The following PRKCA variants were observed in gnomAD, a reference collection of about 807,000 sequenced individuals.
The protein encoded by PRKCA is protein kinase C alpha, also known as protein kinase C alpha type.
In PRKCA, 27 loss-of-function variants were observed where a neutral mutation model predicts 87.0. That is an observed-to-expected ratio of 0.31 (90% confidence interval 0.23 to 0.43). PRKCA has a LOEUF of 0.43. Among genes scored for constraint, PRKCA ranks in the 20% least tolerant of loss-of-function variants. The pLI, the probability that PRKCA is intolerant of heterozygous loss-of-function variation, is 1.00. For missense variants in PRKCA, 518 were observed against 852.3 expected (o/e 0.61, Z 4.88); for synonymous variants, 329 against 311.1 (o/e 1.06, Z -0.61).
chr17:66,658,035 G>C (rs749320583), intron 5 of PRKCA, among the ~76,000 whole-genome samples: 1 of 152,154 alleles, frequency 6.6e-6, no homozygotes, highest in Non-Finnish European at 1.5e-5. Context: ...AGAGGAAAGA[G>C]GTTTAATTGA....
At chr17:66,763,045 C>T (rs1974721135) in intron 13 of PRKCA, among the ~76,000 whole-genome samples, 1 of 152,236 alleles carries the variant, frequency 6.6e-6, no homozygotes, top group African/African-American at 2.4e-5. Context: ...ATCGCCTTGG[C>T]CTCCCAAAGT....
rs1190258378 is a variant in PRKCA at position 66,810,562 on chromosome 17, G to A, written c.*6525G>A. 1 of 152,202 alleles carries A rather than the reference G, an allele frequency of 6.6e-6. No individual in the cohort carries two copies. Among genetic ancestry groups the A allele is most frequent in the Admixed American group, 6.5e-5 (1 of 15,282 alleles). The allele number at this position is 152,202 out of a possible 1,614,324, so 9.4% of individuals were successfully genotyped here. On this transcript the variant is annotated 3_prime_UTR_variant, in exon 17 of 17. Transcript: ENST00000413366. ...TATAAGCACCTACTGACAAAATGTA[G>A]AGGCCATTCAACCGTCAAACACCAT...
At chr17:66,703,245 AT>A (rs1189255344) in intron 8 of PRKCA, 1 of 152,132 alleles carries the variant, frequency 6.6e-6, no homozygotes, top group Non-Finnish European at 1.5e-5. Context: ...GTACAAAAAT[AT>A]TTTTATCTCC....
intron 2 of PRKCA, among the ~76,000 whole-genome samples, chr17:66,383,305 A>G (rs773036940): frequency 1.3e-5 from 2 of 152,174 alleles, no homozygotes; most frequent in Non-Finnish European, 2.9e-5. Flanking sequence ...TTCCAAAGGC[A>G]TGGTACTAAT....
chr17:66,608,011 G>A (rs947939050), intron 3 of PRKCA, among the ~76,000 whole-genome samples: 1 of 152,164 alleles, frequency 6.6e-6, no homozygotes, highest in Non-Finnish European at 1.5e-5. Flanking sequence ...TGGGTGATAC[G>A]CATTAGGGTT....
intron 3 of PRKCA, among the ~76,000 whole-genome samples, chr17:66,574,910 T>C (rs1405625725): frequency 6.6e-6 from 1 of 152,234 alleles, no homozygotes; most frequent in African/African-American, 2.4e-5. Flanking sequence ...GTAAAAGTTA[T>C]GTGAATGGGG....
intron 2 of PRKCA, among the ~76,000 whole-genome samples, chr17:66,344,639 A>T (rs896899716): frequency 2.6e-5 from 4 of 152,260 alleles, no homozygotes. Context: ...GAGGCTTAGA[A>T]ATGTAAGTAA....
chr17:66,630,361 C>A (rs994211782), intron 3 of PRKCA, among the ~76,000 whole-genome samples: 1 of 152,114 alleles, frequency 6.6e-6, no homozygotes, highest in Non-Finnish European at 1.5e-5. Flanking sequence ...TATTATTGCC[C>A]CCCACTAATT....
At chr17:66,628,820 G>A (rs1210149746) in intron 3 of PRKCA, among the ~76,000 whole-genome samples, 1 of 152,144 alleles carries the variant, frequency 6.6e-6, no homozygotes, top group African/African-American at 2.4e-5. Flanking sequence ...CTTAGGTCAG[G>A]AGTTCGAGAC....
chr17:66,732,181 C>T (rs561080171), intron 8 of PRKCA, among the ~76,000 whole-genome samples: 7 of 151,270 alleles, frequency 4.6e-5, no homozygotes, highest in African/African-American at 9.7e-5. Context: ...TTGAAAATAG[C>T]GATGAATCAT....
intron 3 of PRKCA, among the ~76,000 whole-genome samples, chr17:66,624,553 C>T (rs1168339514): frequency 6.6e-6 from 1 of 152,150 alleles, no homozygotes; most frequent in Non-Finnish European, 1.5e-5. Flanking sequence ...GTAATCCCAG[C>T]ACTTTGGGAG....
rs144042637 is a variant in PRKCA, at chr17:66,807,640, T to A, written c.*3603T>A. On this transcript the variant is annotated 3_prime_UTR_variant, in exon 17 of 17. Transcript: ENST00000413366. This position sits in a 1 kb window ranked among gnomAD's most constrained non-coding sequence, Gnocchi z 4.3. ...TATTAGGCTTTCTTACTCAGAATTTTGATAGAAAACCATGGGGCCAAGAGC... is the reference window on the plus strand; with the variant it reads ...TATTAGGCTTTCTTACTCAGAATTTAGATAGAAAACCATGGGGCCAAGAGC... The A allele has an allele frequency of 0.011, 1,702 of 152,308 alleles. 35 individuals are homozygous for A. Among genetic ancestry groups the A allele is most frequent in the African/African-American group, 0.039 (1,621 of 41,552 alleles). The allele number at this position is 152,308 out of a possible 1,614,324, so 9.4% of individuals were successfully genotyped here.
At chr17:66,328,470 A>G (rs1386411752) in intron 2 of PRKCA, among the ~76,000 whole-genome samples, 1 of 152,150 alleles carries the variant, frequency 6.6e-6, no homozygotes, top group Non-Finnish European at 1.5e-5. Context: ...GCAACTGCAA[A>G]GGCCCTAAAA....
At chr17:66,325,663 A>G (rs957888837) in intron 2 of PRKCA, among the ~76,000 whole-genome samples, 3 of 152,032 alleles carry the variant, frequency 2.0e-5, no homozygotes, top group Non-Finnish European at 4.4e-5. Flanking sequence ...GTTCCTAAAA[A>G]CCCTTTGAGA....
rs188878798 is a variant in PRKCA, at chr17:66,369,089, A to G, written c.205+62962A>G. 3.0e-4 allele frequency among the ~76,000 whole-genome samples: 46 copies of G among 152,334 alleles called. No homozygotes were observed. In the East Asian group the frequency reaches 4.6e-3, roughly 15 times the overall value. On this transcript the variant is annotated intron_variant, in intron 2 of 16. Transcript: ENST00000413366. ...AAGGGTGGCTTGTAGGCATTAGGCCAGAGCTGTGTGTTAGCCATAATTCAG... is the reference window on the plus strand; with the variant it reads ...AAGGGTGGCTTGTAGGCATTAGGCCGGAGCTGTGTGTTAGCCATAATTCAG...
At chr17:66,573,828 C>T (rs1290983905) in intron 3 of PRKCA, among the ~76,000 whole-genome samples, 3 of 152,022 alleles carry the variant, frequency 2.0e-5, no homozygotes, top group Non-Finnish European at 4.4e-5. Context: ...AAATAAACAC[C>T]TAGAAAAATG....
intron 5 of PRKCA, among the ~76,000 whole-genome samples, chr17:66,682,993 A>G (rs1972530461): frequency 1.3e-5 from 2 of 152,234 alleles, no homozygotes; most frequent in Non-Finnish European, 2.9e-5. Context: ...GTTAAAAAGC[A>G]TTAAATTACG....
intron 13 of PRKCA, among the ~76,000 whole-genome samples, chr17:66,764,291 G>A (rs1015741377): frequency 6.6e-6 from 1 of 152,190 alleles, no homozygotes; most frequent in Non-Finnish European, 1.5e-5. Flanking sequence ...CCGTCCTCAA[G>A]CTCTCCCAGG....
At chr17:66,401,603 A>G (rs191571188) in intron 2 of PRKCA, among the ~76,000 whole-genome samples, 22 of 152,128 alleles carry the variant, frequency 1.4e-4, no homozygotes, top group African/African-American at 9.7e-5. Flanking sequence ...AGGCAGAGAG[A>G]TTAGGTAAGA....
Sources: allele counts gnomAD v4.1 joint callset (sites outside exome capture counted in the v4.1 genomes callset), GRCh38; gene constraint gnomAD v4.1.1; non-coding constraint Gnocchi (gnomAD v3.1); transcripts MANE v1.5; gene names NCBI Gene and HGNC (gene_info 2026-07-23, HGNC 2026-07-21).